Variants in ITIH2 observed in about 807,000 individuals in gnomAD.
ITIH2 encodes the protein inter-alpha-trypsin inhibitor heavy chain H2.
ITIH2 carries 103 observed loss-of-function variants against 104.4 expected under a neutral mutation model. The ratio of observed to expected loss-of-function variants is 0.99; its 90% CI spans 0.84 to 1.16. The LOEUF (loss-of-function observed/expected upper bound fraction) is 1.16, where lower values mean the gene tolerates loss of function less well. Ranked by LOEUF, ITIH2 falls within the 50% of genes most tolerant of loss-of-function variation. The probability of loss-of-function intolerance (pLI) is 0.00; values close to 1 mark genes in which losing one functional copy is unlikely to be tolerated. For missense variants in ITIH2, 1,108 were observed against 1,162.4 expected (o/e 0.95, Z 0.68); for synonymous variants, 436 against 435.4 (o/e 1.00, Z -0.02).
rs779086966 is a variant in ITIH2, at chr10:7,708,386, CAG to C, written c.193-633_193-632del. 4.9e-4 allele frequency among the ~76,000 whole-genome samples: 75 copies of C among 152,288 alleles called. 2 individuals carry two copies. The highest frequency in any genetic ancestry group is 5.8e-4 in the East Asian group (3 of 5,184). ...TCAGTAGTGATCGGGTAAGGAGGTCCAGAGTGTTGGACCAATACTTGCATCAG... is the reference window on the plus strand; with the variant it reads ...TCAGTAGTGATCGGGTAAGGAGGTCCAGTGTTGGACCAATACTTGCATCAG... On this transcript the variant is annotated intron_variant, in intron 3 of 20. Coordinates refer to ENST00000358415, the MANE Select transcript of ITIH2 (RefSeq NM_002216.3).
chr10:7,716,735 CAAAA>C (rs61703360), intron 5 of ITIH2, among the ~76,000 whole-genome samples: 6 of 58,766 alleles, frequency 1.0e-4, no homozygotes, highest in Admixed American at 4.0e-4. Context: ...GACCCCAGCT[CAAAA>C]AAAAAAAAAA....
chr10:7,738,637 C>T lies in ITIH2; in HGVS notation c.1974C>T (p.Gly658=). 6.2e-7 allele frequency: 1 copy of T among 1,613,944 alleles called. No individual in the cohort carries two copies. Among genetic ancestry groups the T allele is most frequent in the African/African-American group, 1.3e-5 (1 of 75,002 alleles). ...TCTACGCAGGGGCCCTGTATTACGGCAGCAAAGTGGTTCCAGATTCCACCC... is the reference window on the plus strand; with the variant it reads ...TCTACGCAGGGGCCCTGTATTACGGTAGCAAAGTGGTTCCAGATTCCACCC... ...PSCCSGALYY[G]SKVVPDSTPS... The change falls in exon 16 of 21, where the codon GGC becomes GGT. Residue 658 remains glycine (G), a synonymous_variant. Coordinates refer to ENST00000358415, the MANE Select transcript of ITIH2 (RefSeq NM_002216.3).
At chr10:7,729,404 T>A (rs1423451181) in intron 11 of ITIH2, among the ~76,000 whole-genome samples, 1 of 152,250 alleles carries the variant, frequency 6.6e-6, no homozygotes, top group African/African-American at 2.4e-5. Flanking sequence ...CTGGAATCAG[T>A]CACTGGTTAC....
Position 7,703,341 on chromosome 10 carries a change from C to G in ITIH2, c.-94C>G, listed in dbSNP as rs561144221. The G allele has an allele frequency of 1.2e-6, 1 of 805,574 alleles. No individual in the cohort carries two copies. The highest frequency in any genetic ancestry group is 2.2e-6 in the Non-Finnish European group (1 of 454,238). The allele number at this position is 805,574 out of a possible 1,614,324, so 49.9% of individuals were successfully genotyped here. ...CTTCTTTCTTAAAGCGAACTGTACT[C>G]CTCTGCTGTTCCTTTGAACTTGGTT... On this transcript the variant is annotated 5_prime_UTR_variant, in exon 1 of 21. Transcript: ENST00000358415.
chr10:7,715,464 C>G (rs1040011069), intron 5 of ITIH2, among the ~76,000 whole-genome samples: 5 of 152,124 alleles, frequency 3.3e-5, no homozygotes, highest in East Asian at 1.9e-4. Flanking sequence ...TCATTTTGAC[C>G]ACATCACCCA....
chr10:7,711,480 G>C (rs1834796773), intron 4 of ITIH2, among the ~76,000 whole-genome samples: 1 of 152,150 alleles, frequency 6.6e-6, no homozygotes, highest in Admixed American at 6.5e-5. Flanking sequence ...CTATGTACTA[G>C]CCAAAATATC....
In ITIH2 at chr10:7,703,387, C is replaced by T. The variant is rs1273005491; in HGVS notation, c.-48C>T. The T allele has an allele frequency of 2.3e-6, 3 of 1,292,520 alleles. No individual in the cohort carries two copies. Among genetic ancestry groups the T allele is most frequent in the Non-Finnish European group, 3.4e-6 (3 of 887,502 alleles). The allele number at this position is 1,292,520 out of a possible 1,614,324, so 80.1% of individuals were successfully genotyped here. On this transcript the variant is annotated 5_prime_UTR_variant, in exon 1 of 21. Coordinates refer to ENST00000358415, the MANE Select transcript of ITIH2 (RefSeq NM_002216.3). ...TGGTTCAGTAGGAAGAAGTGATATCCTCCCCAGACCATCTGCTTTGGGGAG... is the reference window on the plus strand; with the variant it reads ...TGGTTCAGTAGGAAGAAGTGATATCTTCCCCAGACCATCTGCTTTGGGGAG...
At chr10:7,710,537 TA>T (rs2131153908) in intron 4 of ITIH2, among the ~76,000 whole-genome samples, 1 of 152,298 alleles carries the variant, frequency 6.6e-6, no homozygotes, top group South Asian at 2.1e-4. Context: ...ATTTTTTTTT[TA>T]TGAAGACATT....
chr10:7,711,844 T>G (rs754954284), intron 4 of ITIH2, among the ~76,000 whole-genome samples: 2 of 152,186 alleles, frequency 1.3e-5, no homozygotes, highest in Admixed American at 6.5e-5. Flanking sequence ...ATTTCCAAAT[T>G]GCTCCTTGGG....
At chr10:7,726,296 A>G (rs948560672) in intron 9 of ITIH2, among the ~76,000 whole-genome samples, 7 of 152,234 alleles carry the variant, frequency 4.6e-5, no homozygotes, top group Admixed American at 4.6e-4. Context: ...AAATGTACCA[A>G]TAGAATAGGG....
Position 7,735,141 on chromosome 10 carries a change from G to A in ITIH2, c.1957+50G>A, listed in dbSNP as rs776169987. 65 of 1,519,726 alleles carry A rather than the reference G, an allele frequency of 4.3e-5. No individual in the cohort carries two copies. The Admixed American group carries it at 8.3e-4, about 19-fold the overall frequency. 94.1% of individuals were successfully genotyped at this position (1,519,726 alleles called of 1,614,324 possible). On this transcript the variant is annotated intron_variant, in intron 15 of 20. Transcript: ENST00000358415. ...AGTGGCCAGGCAGCTCTCTTGCCCC[G>A]GGGGTGGGCGAAGTCCTAGTGCCTC... is the stretch of plus-strand genomic sequence containing the variant.
chr10:7,704,865 G>A (rs919802671), intron 1 of ITIH2, among the ~76,000 whole-genome samples: 4 of 149,658 alleles, frequency 2.7e-5, no homozygotes, highest in Admixed American at 6.7e-5. Context: ...AGTGGGAGTC[G>A]AACAACGAGA....
intron 5 of ITIH2, among the ~76,000 whole-genome samples, chr10:7,714,762 G>A (rs1368615832): frequency 6.6e-6 from 1 of 152,118 alleles, no homozygotes; most frequent in African/African-American, 2.4e-5. Context: ...CACTATGGGA[G>A]TTCCGAGTGC....
In ITIH2 at chr10:7,738,601, A is replaced by G; in HGVS notation, c.1958-20A>G. On this transcript the variant is annotated intron_variant, in intron 15 of 20. Transcript: ENST00000358415. ...GAAACGTAAATCTAGAAACTAACAG[A>G]TGCAGGTTTGTCTACGCAGGGGCCC... 6 of 1,612,482 alleles carry G rather than the reference A, an allele frequency of 3.7e-6. No homozygotes were observed. The highest frequency in any genetic ancestry group is 5.1e-6 in the Non-Finnish European group (6 of 1,179,162).
chr10:7,721,315 A>G (rs1385079001), intron 7 of ITIH2, among the ~76,000 whole-genome samples: 2 of 152,214 alleles, frequency 1.3e-5, no homozygotes, highest in Non-Finnish European at 2.9e-5. Flanking sequence ...GCGATAACCA[A>G]CTATGACTCC....
chr10:7,734,908 C>T lies in ITIH2; in HGVS notation c.1788-14C>T. 3 of 1,604,870 alleles carry T rather than the reference C, an allele frequency of 1.9e-6. No individual in the cohort carries two copies. The highest frequency in any genetic ancestry group is 2.5e-6 in the Non-Finnish European group (3 of 1,177,416). On this transcript the variant is annotated splice_polypyrimidine_tract_variant and intron_variant, in intron 14 of 20. Transcript: ENST00000358415. ...GCAGCCATGCTCCATAACACCTCTACTTCTTGAATACAGAAGCCTGGCTCC... is the reference window on the plus strand; with the variant it reads ...GCAGCCATGCTCCATAACACCTCTATTTCTTGAATACAGAAGCCTGGCTCC...
chr10:7,731,670 A>T, intron 12 of ITIH2, 141 bp from the exon 13 acceptor site: 1 of 499,490 alleles, frequency 2.0e-6, no homozygotes, highest in Non-Finnish European at 3.3e-6. Flanking sequence ...GATTGCAGTG[A>T]GACGAGATCC....
At chr10:7,732,704 AT>A (rs1835015516) in intron 14 of ITIH2, among the ~76,000 whole-genome samples, 2 of 152,114 alleles carry the variant, frequency 1.3e-5, no homozygotes, top group East Asian at 1.9e-4. Flanking sequence ...AAATGCATTA[AT>A]TTTTTAATTT....
At chr10:7,721,922 T>A in intron 8 of ITIH2, 145 bp downstream of exon 8, 2 of 774,222 alleles carry the variant, frequency 2.6e-6, no homozygotes, top group Non-Finnish European at 4.2e-6. Context: ...ATCATATTCT[T>A]TGAATATACC....
Sources: gnomAD v4.1 joint callset for allele counts (sites outside exome capture counted in the v4.1 genomes callset) on GRCh38, gnomAD v4.1.1 for gene constraint, MANE v1.5 for transcripts, NCBI Gene and HGNC (gene_info 2026-07-23, HGNC 2026-07-21) for gene names.